Variants in SLC25A26 observed in about 807,000 individuals in gnomAD.
The protein encoded by SLC25A26 is solute carrier family 25 member 26.
SLC25A26 carries 36 observed loss-of-function variants against 37.8 expected under a neutral mutation model. That is an observed-to-expected ratio of 0.95 (90% CI 0.73 to 1.26). SLC25A26 has a LOEUF of 1.26. Ranked by LOEUF, SLC25A26 falls within the 50% of genes most tolerant of loss-of-function variation. The probability of loss-of-function intolerance (pLI) is 0.00; values close to 1 mark genes in which losing one functional copy is unlikely to be tolerated. For synonymous variants in SLC25A26, 129 were observed against 122.5 expected, an observed-to-expected ratio of 1.05 and a Z score of -0.35; for missense variants, 390 against 331.1, an observed-to-expected ratio of 1.18 and a Z score of -1.38.
intron 1 of SLC25A26, among the ~76,000 whole-genome samples, chr3:66,233,111 C>A (rs904671338): frequency 6.6e-6 from 1 of 152,116 alleles, no homozygotes; most frequent in African/African-American, 2.4e-5. Flanking sequence ...AGTTACATTA[C>A]ACAGATGGTT....
chr3:66,171,962 G>A (rs757564459), intron 1 of SLC25A26, among the ~76,000 whole-genome samples: 8 of 152,106 alleles, frequency 5.3e-5, no homozygotes, highest in Non-Finnish European at 8.8e-5. Context: ...TCTTTTTGCT[G>A]GTTAAATATT....
intron 5 of SLC25A26, among the ~76,000 whole-genome samples, chr3:66,343,743 C>A (rs1006130628): frequency 1.3e-5 from 2 of 152,128 alleles, no homozygotes; most frequent in Non-Finnish European, 2.9e-5. Flanking sequence ...TATTTACCTT[C>A]TTACTAATCC....
At chr3:66,224,559 A>G (rs145168621) in intron 1 of SLC25A26, among the ~76,000 whole-genome samples, 9,603 of 152,278 alleles carry the variant, frequency 0.063, 358 homozygotes, top group African/African-American at 0.11. Flanking sequence ...ACAATTCAAG[A>G]TGAGATTTGG....
chr3:66,371,099 GCT>G lies in SLC25A26; in HGVS notation c.707+504_707+505del, dbSNP rs1257332658. Reference sequence around the variant, plus strand: ...AGACTTCTAGCTTCATGTCCTAAAAGCTCTCTCTGCAAGATTAAAACATTGCT... The same window carrying G: ...AGACTTCTAGCTTCATGTCCTAAAAGCTCTCTGCAAGATTAAAACATTGCT... On this transcript the variant is annotated intron_variant, in intron 9 of 9. Transcript: ENST00000354883. 6 of 1,394,356 alleles carry G rather than the reference GCT, an allele frequency of 4.3e-6. No homozygotes were observed. The African/African-American group carries it at 5.8e-5, about 14-fold the overall frequency. The allele number at this position is 1,394,356 out of a possible 1,614,324, so 86.4% of individuals were successfully genotyped here.
chr3:66,159,773 T>C (rs1260028235), intron 1 of SLC25A26, among the ~76,000 whole-genome samples: 1 of 152,108 alleles, frequency 6.6e-6, no homozygotes, highest in African/African-American at 2.4e-5. Flanking sequence ...AAGCCTATAG[T>C]AACTTTTGGT....
intron 1 of SLC25A26, among the ~76,000 whole-genome samples, chr3:66,174,267 C>T (rs1189938871): frequency 6.6e-6 from 1 of 152,190 alleles, no homozygotes; most frequent in Non-Finnish European, 1.5e-5. Flanking sequence ...TAAGCAGTAG[C>T]TTGGGAAGTT....
intron 5 of SLC25A26, among the ~76,000 whole-genome samples, chr3:66,272,174 C>T (rs1331456600): frequency 2.0e-5 from 3 of 152,108 alleles, no homozygotes; most frequent in Non-Finnish European, 4.4e-5. Flanking sequence ...ACATAATCCT[C>T]ACAGCAGCCC....
intron 5 of SLC25A26, among the ~76,000 whole-genome samples, chr3:66,332,482 T>G (rs1172907307): frequency 6.6e-6 from 1 of 152,218 alleles, no homozygotes; most frequent in African/African-American, 2.4e-5. Flanking sequence ...AGCACTTTTT[T>G]TTTGCATTTT....
rs1010712412 is a variant in SLC25A26, at chr3:66,186,378, T to G, written c.-353-34364T>G. Among the ~76,000 whole-genome samples, 301 of 152,090 alleles carry G rather than the reference T, an allele frequency of 2.0e-3. 1 individual carries two copies. The highest frequency in any genetic ancestry group is 0.014 in the Middle Eastern group (4 of 294). The stretch of plus-strand genomic sequence containing the variant: ...ATTATCTTCCCTTTCTCCATTGACC[T>G]TAAATGAAATCTGACCATGATGACA... On this transcript the variant is annotated intron_variant, in intron 1 of 10. Transcript: ENST00000676754.
intron 1 of SLC25A26, among the ~76,000 whole-genome samples, chr3:66,174,859 A>G (rs2070554769): frequency 1.3e-5 from 2 of 151,528 alleles, no homozygotes; most frequent in Non-Finnish European, 2.9e-5. Context: ...TGCTATGCAG[A>G]GGATGCCACT....
chr3:66,146,327 G>A (rs1250882072), intron 1 of SLC25A26, among the ~76,000 whole-genome samples: 2 of 148,952 alleles, frequency 1.3e-5, no homozygotes, highest in Non-Finnish European at 3.0e-5. Flanking sequence ...GTGACAGAGC[G>A]AGATTCAGTC....
At chr3:66,347,574 C>T (rs2076355068) in intron 6 of SLC25A26, among the ~76,000 whole-genome samples, 1 of 152,166 alleles carries the variant, frequency 6.6e-6, no homozygotes, top group South Asian at 2.1e-4. Flanking sequence ...GGCGATTTCT[C>T]AAAGACGTAG....
chr3:66,319,015 C>A (rs563885490), intron 5 of SLC25A26, among the ~76,000 whole-genome samples: 1 of 152,120 alleles, frequency 6.6e-6, no homozygotes, highest in Non-Finnish European at 1.5e-5. Flanking sequence ...GCTATACTTA[C>A]CAACTTTCAC....
At chr3:66,366,502 G>A (rs1415119410) in intron 7 of SLC25A26, among the ~76,000 whole-genome samples, 2 of 152,136 alleles carry the variant, frequency 1.3e-5, no homozygotes, top group East Asian at 1.9e-4. Flanking sequence ...TTCTCTCATG[G>A]TAGTAAAGTT....
chr3:66,321,349 T>C (rs1464823990), intron 5 of SLC25A26, among the ~76,000 whole-genome samples: 3 of 152,224 alleles, frequency 2.0e-5, no homozygotes, highest in African/African-American at 7.2e-5. Flanking sequence ...CTATGCATCT[T>C]GGCTCAGTTG....
intron 3 of SLC25A26, among the ~76,000 whole-genome samples, chr3:66,252,905 A>T (rs2073139866): frequency 6.6e-6 from 1 of 152,094 alleles, no homozygotes. Flanking sequence ...TGTAGTATTT[A>T]AAAAATGGCA....
chr3:66,284,376 T>C (rs2074440745), intron 5 of SLC25A26, among the ~76,000 whole-genome samples: 1 of 152,236 alleles, frequency 6.6e-6, no homozygotes, highest in African/African-American at 2.4e-5. Context: ...TCTAATCCAT[T>C]GCTATCAGAG....
intron 1 of SLC25A26, among the ~76,000 whole-genome samples, chr3:66,223,506 G>A (rs965763418): frequency 6.6e-6 from 1 of 152,178 alleles, no homozygotes; most frequent in Non-Finnish European, 1.5e-5. Flanking sequence ...CGGAAATGGA[G>A]TGGCTACTTT....
intron 5 of SLC25A26, among the ~76,000 whole-genome samples, chr3:66,279,765 G>C (rs1373021483): frequency 6.6e-6 from 1 of 152,168 alleles, no homozygotes; most frequent in Non-Finnish European, 1.5e-5. Context: ...TGATCTGTGG[G>C]AGTCTTACAA....
Sources: allele counts gnomAD v4.1 joint callset (sites outside exome capture counted in the v4.1 genomes callset), GRCh38; gene constraint gnomAD v4.1.1; transcripts MANE v1.5; gene names NCBI Gene and HGNC (gene_info 2026-07-23, HGNC 2026-07-21).